Variants in FBXL7 observed in about 807,000 individuals in gnomAD.
The protein encoded by FBXL7 is F-box/LRR-repeat protein 7.
In FBXL7, 12 loss-of-function variants were observed where a neutral mutation model predicts 38.3. That is an observed-to-expected ratio of 0.31 (90% CI 0.20 to 0.51). The LOEUF is 0.51. FBXL7 is among the 20% of genes least tolerant of loss of function. FBXL7 has a pLI of 0.98. For missense variants in FBXL7, 567 were observed against 676.4 expected, an observed-to-expected ratio of 0.84 and a Z score of 1.79; for synonymous variants, 297 against 300.9, an observed-to-expected ratio of 0.99 and a Z score of 0.13.
chr5:15,572,066 C>T (rs544490285), intron 1 of FBXL7, among the ~76,000 whole-genome samples: 6 of 152,262 alleles, frequency 3.9e-5, no homozygotes, highest in Admixed American at 2.0e-4. Context: ...AAGACATCCA[C>T]TGGGCTTAAC....
At chr5:15,899,507 A>T (rs1299180862) in intron 2 of FBXL7, among the ~76,000 whole-genome samples, 1 of 152,224 alleles carries the variant, frequency 6.6e-6, no homozygotes, top group African/African-American at 2.4e-5. Flanking sequence ...TTTGAAAAGC[A>T]AAGTTTTACA....
At chr5:15,572,674 G>A (rs561047093) in intron 1 of FBXL7, among the ~76,000 whole-genome samples, 38 of 152,210 alleles carry the variant, frequency 2.5e-4, no homozygotes, top group African/African-American at 8.4e-4. Flanking sequence ...GGGTGGAGAT[G>A]GGCCCATGTC....
At chr5:15,668,661 A>G (rs906200790) in intron 2 of FBXL7, among the ~76,000 whole-genome samples, 1 of 152,130 alleles carries the variant, frequency 6.6e-6, no homozygotes, top group Non-Finnish European at 1.5e-5. Flanking sequence ...AGCAAGATAG[A>G]AAGAACTTGG....
At chr5:15,631,225 T>C (rs1456442619) in intron 2 of FBXL7, among the ~76,000 whole-genome samples, 2 of 152,236 alleles carry the variant, frequency 1.3e-5, no homozygotes, top group Non-Finnish European at 2.9e-5. Context: ...ATATGGACAC[T>C]GAATTCAATT....
chr5:15,818,130 GTGTGTGTA>G (rs1412723202), intron 2 of FBXL7, among the ~76,000 whole-genome samples: 11 of 152,162 alleles, frequency 7.2e-5, no homozygotes, highest in Non-Finnish European at 1.6e-4. Context: ...TTTTGTAGGT[GTGTGTGTA>G]TGTGTGGTGT....
At chr5:15,861,658 A>G (rs556130854) in intron 2 of FBXL7, among the ~76,000 whole-genome samples, 31 of 152,328 alleles carry the variant, frequency 2.0e-4, no homozygotes, top group African/African-American at 7.5e-4. Flanking sequence ...AGCAGCAGGG[A>G]TATGAACAGA....
At chr5:15,831,498 G>A (rs1169179334) in intron 2 of FBXL7, among the ~76,000 whole-genome samples, 2 of 152,208 alleles carry the variant, frequency 1.3e-5, no homozygotes, top group African/African-American at 4.8e-5. Context: ...TCCCGGGAAA[G>A]AGGTGTCTGT....
chr5:15,726,337 G>T (rs1744351430), intron 2 of FBXL7, among the ~76,000 whole-genome samples: 1 of 152,136 alleles, frequency 6.6e-6, no homozygotes, highest in Non-Finnish European at 1.5e-5. Flanking sequence ...AGGATTGCCT[G>T]GAGCAAGGAG....
chr5:15,585,452 A>G (rs1466425495), intron 1 of FBXL7, among the ~76,000 whole-genome samples: 1 of 152,252 alleles, frequency 6.6e-6, no homozygotes, highest in East Asian at 1.9e-4. Flanking sequence ...GGTATTTTGC[A>G]GAGCAAAGAG....
chr5:15,605,595 G>A (rs1403689168), intron 1 of FBXL7, among the ~76,000 whole-genome samples: 1 of 152,144 alleles, frequency 6.6e-6, no homozygotes, highest in Admixed American at 6.5e-5. Flanking sequence ...GAGGAATGAG[G>A]AGTTATTATT....
chr5:15,536,424 G>C (rs1737585003), intron 1 of FBXL7, among the ~76,000 whole-genome samples: 1 of 152,224 alleles, frequency 6.6e-6, no homozygotes, highest in Non-Finnish European at 1.5e-5. Flanking sequence ...GCTGTGCCCT[G>C]CAGAGCGACA....
chr5:15,677,579 G>A lies in FBXL7; in HGVS notation c.127+61507G>A, dbSNP rs910250037. On this transcript the variant is annotated intron_variant, in intron 2 of 3. Coordinates refer to ENST00000504595, the MANE Select transcript of FBXL7 (RefSeq NM_012304.5). ...AGGAAGGAAGGAAATTTCTAGACAG[G>A]AGAGAAACTGAACATGTCAACAGAA... Among the ~76,000 whole-genome samples the A allele has an allele frequency of 1.8e-4, 27 of 152,220 alleles. 1 individual carries two copies. The highest frequency in any genetic ancestry group is 1.2e-3 in the South Asian group (6 of 4,816).
intron 2 of FBXL7, among the ~76,000 whole-genome samples, chr5:15,791,074 G>GC (rs1561127825): frequency 6.9e-6 from 1 of 144,356 alleles, no homozygotes; most frequent in Non-Finnish European, 1.5e-5. Flanking sequence ...GTGTAAAAGG[G>GC]GGGGGGGGGT....
At chr5:15,585,101 A>G (rs1739264535) in intron 1 of FBXL7, among the ~76,000 whole-genome samples, 1 of 151,668 alleles carries the variant, frequency 6.6e-6, no homozygotes, top group East Asian at 1.9e-4. Context: ...ACTTCTCCTT[A>G]ACTTAAAATG....
Position 15,928,615 on chromosome 5 carries a change from C to T in FBXL7, c.739+114C>T, listed in dbSNP as rs1741958583. ...TCTTGCAAGCCATCAGAGATGGGGG[C>T]GGGTGGTAGGGAGGCTGGCTTTTGC... On this transcript the variant is annotated intron_variant, in intron 3 of 3. Coordinates refer to ENST00000504595, the MANE Select transcript of FBXL7 (RefSeq NM_012304.5). The surrounding 1 kb of genome is among the most constrained non-coding windows in gnomAD (Gnocchi z 4.0). 2.2e-6 allele frequency: 3 copies of T among 1,376,672 alleles called. No homozygotes were observed. The highest frequency in any genetic ancestry group is 2.3e-5 in the East Asian group (1 of 43,172). The allele number at this position is 1,376,672 out of a possible 1,614,324, so 85.3% of individuals were successfully genotyped here.
At chr5:15,576,312 G>A (rs1225022238) in intron 1 of FBXL7, among the ~76,000 whole-genome samples, 2 of 151,852 alleles carry the variant, frequency 1.3e-5, no homozygotes, top group African/African-American at 4.8e-5. Context: ...TCAAACTCCT[G>A]ACCTCAGGTG....
At chr5:15,620,738 C>G (rs1186618864) in intron 2 of FBXL7, among the ~76,000 whole-genome samples, 1 of 152,140 alleles carries the variant, frequency 6.6e-6, no homozygotes, top group Non-Finnish European at 1.5e-5. Context: ...ACTAGTGTTC[C>G]CAGCCTGGCA....
chr5:15,833,301 G>A (rs1738506472), intron 2 of FBXL7, among the ~76,000 whole-genome samples: 1 of 152,154 alleles, frequency 6.6e-6, no homozygotes, highest in Non-Finnish European at 1.5e-5. Flanking sequence ...TCACATGGTG[G>A]AAGGACAGGA....
rs939887342 is a variant in FBXL7, at chr5:15,699,571, C to T, written c.127+83499C>T. On this transcript the variant is annotated intron_variant, in intron 2 of 3. Transcript: ENST00000504595. ...AGCAACCGTATTTCAAATGGGAGGTCACCTTCTGAGGTTCTTTTTGAAAGA... is the reference window on the plus strand; with the variant it reads ...AGCAACCGTATTTCAAATGGGAGGTTACCTTCTGAGGTTCTTTTTGAAAGA... Among the ~76,000 whole-genome samples the T allele has an allele frequency of 2.6e-5, 4 of 152,196 alleles. No homozygotes were observed. In the South Asian group the frequency reaches 6.2e-4, roughly 24 times the overall value.
Sources: allele counts gnomAD v4.1 joint callset (sites outside exome capture counted in the v4.1 genomes callset), GRCh38; gene constraint gnomAD v4.1.1; non-coding constraint Gnocchi (gnomAD v3.1); transcripts MANE v1.5; gene names NCBI Gene and HGNC (gene_info 2026-07-23, HGNC 2026-07-21).